The following MCM3AP variants were observed in gnomAD, a reference collection of about 807,000 sequenced individuals.
The protein encoded by MCM3AP is minichromosome maintenance complex component 3 associated protein, also known as germinal-center associated nuclear protein.
In MCM3AP, 126 loss-of-function variants were observed where a neutral mutation model predicts 184.1. That is an observed-to-expected ratio of 0.68 (90% CI 0.59 to 0.79). The LOEUF (loss-of-function observed/expected upper bound fraction) is 0.79. Among genes scored for constraint, MCM3AP ranks in the 30% least tolerant of loss-of-function variants. MCM3AP has a pLI of 0.00. For missense variants in MCM3AP, 2,496 were observed against 2,479.2 expected (o/e 1.01, Z -0.14); for synonymous variants, 1,002 against 979.3 (o/e 1.02, Z -0.43).
chr21:46,272,051 C>A (rs897650123), intron 8 of MCM3AP, among the ~76,000 whole-genome samples: 8 of 151,898 alleles, frequency 5.3e-5, no homozygotes, highest in African/African-American at 1.7e-4. Flanking sequence ...AGCAGAGGGC[C>A]AGAGAGCTCG....
chr21:46,266,262 T>C (rs2081111183), intron 10 of MCM3AP, 96 bp from the exon 11 acceptor site: 1 of 1,300,378 alleles, frequency 7.7e-7, no homozygotes, highest in Non-Finnish European at 1.0e-6. Flanking sequence ...CCCTTGGGTG[T>C]CACCACAGCC....
intron 2 of MCM3AP, among the ~76,000 whole-genome samples, chr21:46,281,987 G>A (rs926988846): frequency 1.3e-4 from 20 of 152,038 alleles, no homozygotes; most frequent in African/African-American, 4.6e-4. Flanking sequence ...GACAGAGCAA[G>A]GCCCCGTCTC....
At chr21:46,260,182 G>A (rs1390991615) in intron 15 of MCM3AP, among the ~76,000 whole-genome samples, 3 of 152,102 alleles carry the variant, frequency 2.0e-5, no homozygotes, top group Non-Finnish European at 2.9e-5. Context: ...AGAAAGACAG[G>A]GTAAAAAGAA....
rs1848690756 is a variant in MCM3AP at position 46,241,029 on chromosome 21, T to C, written c.5427-12A>G. On this transcript the variant is annotated splice_polypyrimidine_tract_variant and intron_variant, in intron 25 of 27. Transcript: ENST00000291688. ...GCTTTATTGCCAAACTGTAAGTACA[T>C]GATTTGAAATGTTTATGGTCAAGAG... is the stretch of plus-strand genomic sequence containing the variant. 6.3e-7 allele frequency: 1 copy of C among 1,585,584 alleles called. No individual in the cohort carries two copies. Among genetic ancestry groups the C allele is most frequent in the Admixed American group, 1.7e-5 (1 of 59,860 alleles).
rs369974495 is a variant in MCM3AP, at chr21:46,275,084, C to A, written c.1998+102G>T. The A allele has an allele frequency of 9.8e-6, 13 of 1,326,968 alleles. No individual in the cohort carries two copies. In the East Asian group the frequency reaches 2.4e-4, roughly 24 times the overall value. The allele number at this position is 1,326,968 out of a possible 1,614,324, so 82.2% of individuals were successfully genotyped here. ...AATATGATTGTTAATAGCACAAATACCCAACACTGTCTAAAACAAACACCC... is the reference window on the plus strand; with the variant it reads ...AATATGATTGTTAATAGCACAAATAACCAACACTGTCTAAAACAAACACCC... On this transcript the variant is annotated intron_variant, in intron 6 of 27. Transcript: ENST00000291688.
rs146999256 is a variant in MCM3AP at position 46,235,283 on chromosome 21, G to T, written c.5928C>A (p.Asp1976Glu). The change falls in exon 28 of 28, where the codon GAC (aspartate) becomes GAA (glutamate). Residue 1976 changes from aspartate (D) to glutamate (E), a missense_variant. Around this residue, in one of 5 missense-constraint regions of MCM3AP, gnomAD observed 1,323 missense variants for 1,273.4 expected, o/e 1.04. Transcript: ENST00000291688. ...GTCAGGCTGCTCAAATGTCCACCAT[G>T]TCTAGCAGCGCAGAGAGATGGAGCT... ...ASELHLSALL[D>E]MVDI The T allele has an allele frequency of 6.2e-7, 1 of 1,614,180 alleles. No individual in the cohort carries two copies. The highest frequency in any genetic ancestry group is 8.5e-7 in the Non-Finnish European group (1 of 1,180,018).
At chr21:46,271,371 C>G (rs1263460050) in intron 8 of MCM3AP, among the ~76,000 whole-genome samples, 1 of 151,140 alleles carries the variant, frequency 6.6e-6, no homozygotes, top group Admixed American at 6.6e-5. Flanking sequence ...CTTTGTCACC[C>G]AGACTGGAGG....
chr21:46,282,137 T>C (rs1194414113), intron 2 of MCM3AP, among the ~76,000 whole-genome samples: 1 of 152,012 alleles, frequency 6.6e-6, no homozygotes, highest in Non-Finnish European at 1.5e-5. Context: ...ACCCCATCTA[T>C]ACAAATGTAA....
intron 2 of MCM3AP, among the ~76,000 whole-genome samples, chr21:46,282,108 G>A (rs1461006287): frequency 6.6e-6 from 1 of 152,064 alleles, no homozygotes; most frequent in African/African-American, 2.4e-5. Context: ...TTCGAGACCT[G>A]CCTGAGCAAC....
intron 5 of MCM3AP, among the ~76,000 whole-genome samples, chr21:46,276,733 G>A (rs930310980): frequency 4.3e-5 from 6 of 139,226 alleles, no homozygotes; most frequent in Non-Finnish European, 7.9e-5. Flanking sequence ...GAGCCACCAC[G>A]CCCAGCATTT....
At chr21:46,262,817 A>C (rs956892929) in intron 13 of MCM3AP, among the ~76,000 whole-genome samples, 1 of 150,666 alleles carries the variant, frequency 6.6e-6, no homozygotes, top group Non-Finnish European at 1.5e-5. Flanking sequence ...AATACAAAAA[A>C]TTAGCCGGGC....
In MCM3AP at chr21:46,283,667, C is replaced by A; in HGVS notation, c.1391G>T (p.Arg464Leu). The change falls in exon 2 of 28, where the codon CGC becomes CTC. Residue 464 changes from arginine to leucine, a missense_variant. Arg to Leu is a moderately radical substitution (Grantham distance 102). Transcript: ENST00000291688. ...NHFGKIAKVQ[R>L]IFTRRSKKLA... is the part of the protein sequence containing the mutation. ...CTTTTTGCTGCGCCTGGTAAAGATG[C>A]GCTGCACTTTAGCAATTTTGCCAAA... 1 of 1,614,044 alleles carries A rather than the reference C, an allele frequency of 6.2e-7. No individual in the cohort carries two copies. The highest frequency in any genetic ancestry group is 8.5e-7 in the Non-Finnish European group (1 of 1,179,946).
intron 20 of MCM3AP, among the ~76,000 whole-genome samples, chr21:46,249,313 A>G (rs1252593276): frequency 6.6e-6 from 1 of 152,104 alleles, no homozygotes; most frequent in Non-Finnish European, 1.5e-5. Context: ...TCAGCTTCCC[A>G]AGCTACTAGA....
At position 46,266,011 on chromosome 21, in the gene MCM3AP, C is replaced by G. The variant is rs767222688; in HGVS notation, c.2945G>C (p.Ser982Thr). The G allele has an allele frequency of 6.2e-7, 1 of 1,610,208 alleles. No individual in the cohort carries two copies. Among genetic ancestry groups the G allele is most frequent in the Non-Finnish European group, 8.5e-7 (1 of 1,178,088 alleles). Residue 982 changes from serine to threonine, a missense_variant, in exon 11 of 28, where the codon AGC becomes ACC. By Grantham distance (58) the Ser-to-Thr change is moderately conservative. Transcript: ENST00000291688. ...PPVPRHTPVC[S>T]FNSQNKYIGE... The stretch of plus-strand genomic sequence containing the variant: ...GATGTACTTGTTCTGGGAGTTGAAG[C>G]TGCACACAGGGGTATGACGAGGGAC...
intron 17 of MCM3AP, among the ~76,000 whole-genome samples, chr21:46,255,494 T>C (rs535376024): frequency 2.0e-5 from 3 of 152,110 alleles, no homozygotes; most frequent in Admixed American, 2.0e-4. Context: ...TGCAGCAACA[T>C]TCCAGTGAGG....
chr21:46,279,487 C>T (rs17176247), intron 4 of MCM3AP, among the ~76,000 whole-genome samples: 7 of 152,256 alleles, frequency 4.6e-5, no homozygotes, highest in Admixed American at 3.3e-4. Flanking sequence ...TGCGTGTGTC[C>T]CACAGAGCAG....
chr21:46,283,982 T>C (rs1172361658), intron 1 of MCM3AP, 86 bp downstream of exon 1: 2 of 1,545,170 alleles, frequency 1.3e-6, no homozygotes, highest in Non-Finnish European at 1.7e-6. Context: ...GGGAGATTTA[T>C]CTGAAAAATC....
Position 46,284,617 on chromosome 21 carries a change from G to T in MCM3AP, c.670C>A (p.Pro224Thr). 3 of 1,614,160 alleles carry T rather than the reference G, an allele frequency of 1.9e-6. No individual in the cohort carries two copies. In the South Asian group the frequency reaches 3.3e-5, roughly 18 times the overall value. ...SSNNSLSAFT[P>T]ALSNQNVEEE... ...TCTACATTTTGGTTTGACAAAGCAGGGGTAAAGGCAGATAATGAATTATTA... is the reference window on the plus strand; with the variant it reads ...TCTACATTTTGGTTTGACAAAGCAGTGGTAAAGGCAGATAATGAATTATTA... The change falls in exon 1 of 28, where the codon CCT (proline) becomes ACT (threonine). Residue 224 changes from proline to threonine, a missense_variant. Coordinates refer to ENST00000291688, the MANE Select transcript of MCM3AP (RefSeq NM_003906.5).
intron 7 of MCM3AP, among the ~76,000 whole-genome samples, 172 bp downstream of exon 7, chr21:46,273,197 ACTCCTGACCTCAGGTGATC>A (rs1319163458): frequency 7.9e-5 from 12 of 151,390 alleles, no homozygotes; most frequent in Non-Finnish European, 1.5e-4. Flanking sequence ...CTGGTCTCAA[ACTCCTGACCTCAGGTGATC>A]CACCCACCTC....
Sources: allele counts gnomAD v4.1 joint callset (sites outside exome capture counted in the v4.1 genomes callset), GRCh38; gene constraint gnomAD v4.1.1; regional missense constraint gnomAD v4.1.1; transcripts MANE v1.5; gene names NCBI Gene and HGNC (gene_info 2026-07-23, HGNC 2026-07-21).